L3MBTL3: variants seen among roughly 807,000 people sequenced by gnomAD.
The protein encoded by L3MBTL3 is L3MBTL histone methyl-lysine binding protein 3, also known as lethal(3)malignant brain tumor-like protein 3.
Under a neutral mutation model 102.3 loss-of-function variants are expected in L3MBTL3, and 27 were observed. The ratio of observed to expected loss-of-function variants is 0.26; its 90% confidence interval spans 0.19 to 0.36. The LOEUF is 0.36. L3MBTL3 is among the 10% of genes least tolerant of loss of function. The probability of loss-of-function intolerance (pLI) is 1.00; values close to 1 mark genes in which losing one functional copy is unlikely to be tolerated. For synonymous variants in L3MBTL3, 340 were observed against 320.9 expected (o/e 1.06, Z -0.64); for missense variants, 798 against 955.3 (o/e 0.84, Z 2.17).
rs535710229 is a variant in L3MBTL3 at position 130,133,950 on chromosome 6, AGCACTGAAAT to A, written c.2199+49_2199+58del. 1.6e-4 allele frequency: 231 copies of A among 1,449,024 alleles called. 2 individuals are homozygous for A. The South Asian group carries it at 2.4e-3, about 15-fold the overall frequency. The allele number at this position is 1,449,024 out of a possible 1,614,324, so 89.8% of individuals were successfully genotyped here. On this transcript the variant is annotated intron_variant, in intron 22 of 22. Transcript: ENST00000361794. This position sits in a 1 kb window ranked among gnomAD's most constrained non-coding sequence, Gnocchi z 4.9. ...GCAATATGTTACTTAATGGGATCAA[AGCACTGAAAT>A]GCAGTGGAAGGTGAAATGTGTGGAA...
chr6:130,046,237 C>A (rs199529934), intron 3 of L3MBTL3, among the ~76,000 whole-genome samples: 3 of 152,144 alleles, frequency 2.0e-5, no homozygotes, highest in Non-Finnish European at 4.4e-5. Context: ...TAGCCAAGAG[C>A]AAGACCCTGC....
chr6:130,088,776 T>C (rs1357986655), intron 16 of L3MBTL3, among the ~76,000 whole-genome samples: 9 of 152,224 alleles, frequency 5.9e-5, no homozygotes, highest in African/African-American at 2.2e-4. Context: ...TTCTACTCTT[T>C]CTCAGTTCAT....
intron 19 of L3MBTL3, among the ~76,000 whole-genome samples, chr6:130,108,380 G>A (rs1033764194): frequency 2.6e-5 from 4 of 151,626 alleles, no homozygotes; most frequent in African/African-American, 4.8e-5. Context: ...GATTACAGGC[G>A]TGTGCCACCA....
chr6:130,093,942 GTTGT>G (rs1199376719), intron 17 of L3MBTL3, among the ~76,000 whole-genome samples: 1 of 152,188 alleles, frequency 6.6e-6, no homozygotes. Context: ...CTTAATAAAA[GTTGT>G]TTGACTCTTC....
At chr6:130,120,424 A>T (rs1786068764) in intron 19 of L3MBTL3, among the ~76,000 whole-genome samples, 1 of 152,184 alleles carries the variant, frequency 6.6e-6, no homozygotes, top group African/African-American at 2.4e-5. Context: ...AAAGCTTCCT[A>T]GAATTGGGAT....
At chr6:130,050,386 T>C (rs1162976918) in intron 5 of L3MBTL3, among the ~76,000 whole-genome samples, 2 of 152,252 alleles carry the variant, frequency 1.3e-5, no homozygotes, top group African/African-American at 2.4e-5. Flanking sequence ...TGTGGTTTCA[T>C]GCTTTCTTGC....
In L3MBTL3 at chr6:130,117,196, C is replaced by T. The variant is rs538003892; in HGVS notation, c.1887-3683C>T. On this transcript the variant is annotated intron_variant, in intron 19 of 22. Transcript: ENST00000361794. Reference sequence around the variant, plus strand: ...GTCCATGTGATCTCATTGTTCAATTCCCACCTATGAGTGAGAATATGCCGT... The same window carrying T: ...GTCCATGTGATCTCATTGTTCAATTTCCACCTATGAGTGAGAATATGCCGT... 3.0e-3 allele frequency among the ~76,000 whole-genome samples: 395 copies of T among 132,430 alleles called. 1 individual carries two copies. Among genetic ancestry groups the T allele is most frequent in the Non-Finnish European group, 4.9e-3 (315 of 64,076 alleles). The allele number at this position is 132,430 out of a possible 152,430, so 86.9% of individuals were successfully genotyped here.
At chr6:130,030,110 C>T (rs865948519) in intron 2 of L3MBTL3, among the ~76,000 whole-genome samples, 1 of 152,086 alleles carries the variant, frequency 6.6e-6, no homozygotes, top group African/African-American at 2.4e-5. Flanking sequence ...TCACCTGCCT[C>T]GGTCTCCCAA....
chr6:130,070,092 GTTTT>G (rs1260312866), intron 12 of L3MBTL3, among the ~76,000 whole-genome samples: 5 of 152,004 alleles, frequency 3.3e-5, no homozygotes, highest in African/African-American at 9.7e-5. Context: ...TCTAACAGAG[GTTTT>G]TGTTTGTTTT....
chr6:130,081,507 C>T (rs529358414), intron 14 of L3MBTL3, among the ~76,000 whole-genome samples: 23 of 151,786 alleles, frequency 1.5e-4, no homozygotes, highest in Non-Finnish European at 3.1e-4. Context: ...TAAATTCCGC[C>T]TCCTGAGTTC....
At position 130,133,694 on chromosome 6, in the gene L3MBTL3, G is replaced by A. The variant is rs6910854; in HGVS notation, c.2136+73G>A. 5,360 of 1,556,746 alleles carry A rather than the reference G, an allele frequency of 3.4e-3. 171 individuals carry two copies. The African/African-American group carries it at 0.063, about 18-fold the overall frequency. On this transcript the variant is annotated intron_variant, in intron 21 of 22. Transcript: ENST00000361794. The surrounding 1 kb of genome is among the most constrained non-coding windows in gnomAD (Gnocchi z 4.9). ...GCTTAAGAGGTGTGGAACATTGAGCGTAGGTAGCGTTTAGTCTTTTTTTTT... is the reference window on the plus strand; with the variant it reads ...GCTTAAGAGGTGTGGAACATTGAGCATAGGTAGCGTTTAGTCTTTTTTTTT...
intron 15 of L3MBTL3, among the ~76,000 whole-genome samples, chr6:130,084,833 C>CT (rs1300388247): frequency 2.0e-5 from 3 of 152,134 alleles, no homozygotes; most frequent in Admixed American, 6.5e-5. Context: ...CATGGCAACC[C>CT]TTTTTTTGTT....
At chr6:130,095,452 C>T (rs181274223) in intron 18 of L3MBTL3, among the ~76,000 whole-genome samples, 4 of 152,156 alleles carry the variant, frequency 2.6e-5, no homozygotes, top group South Asian at 2.1e-4. Context: ...ATGATGATTC[C>T]GTTTGCAAAT....
chr6:130,074,553 G>A (rs1584378534), intron 13 of L3MBTL3, among the ~76,000 whole-genome samples: 1 of 152,198 alleles, frequency 6.6e-6, no homozygotes, highest in South Asian at 2.1e-4. Flanking sequence ...CTGTCCTCCC[G>A]CCACTGCAGC....
At chr6:130,025,667 GA>G (rs1779295993) in intron 2 of L3MBTL3, among the ~76,000 whole-genome samples, 1 of 152,100 alleles carries the variant, frequency 6.6e-6, no homozygotes, top group African/African-American at 2.4e-5. Flanking sequence ...AGTAGACTTG[GA>G]ATTGATTAGT....
At chr6:130,069,030 A>G (rs1407758753) in intron 12 of L3MBTL3, among the ~76,000 whole-genome samples, 1 of 152,222 alleles carries the variant, frequency 6.6e-6, no homozygotes, top group Non-Finnish European at 1.5e-5. Context: ...CCATCTTTAC[A>G]GATGGTCAGA....
At chr6:130,082,531 TA>T (rs1783430610) in intron 14 of L3MBTL3, among the ~76,000 whole-genome samples, 3 of 152,222 alleles carry the variant, frequency 2.0e-5, no homozygotes, top group Admixed American at 1.3e-4. Flanking sequence ...AGTAACCAGT[TA>T]TAGCCCCTTT....
chr6:130,081,024 C>T (rs1180140234), intron 14 of L3MBTL3, among the ~76,000 whole-genome samples: 1 of 152,234 alleles, frequency 6.6e-6, no homozygotes, highest in Non-Finnish European at 1.5e-5. Flanking sequence ...CCTTGTACTT[C>T]ACAGATTTCT....
At chr6:130,106,139 G>A (rs1395435853) in intron 19 of L3MBTL3, among the ~76,000 whole-genome samples, 2 of 151,992 alleles carry the variant, frequency 1.3e-5, no homozygotes, top group Non-Finnish European at 2.9e-5. Context: ...TTTTGCCTAT[G>A]CCTATTAATA....
Sources: gnomAD v4.1 joint callset for allele counts (sites outside exome capture counted in the v4.1 genomes callset) on GRCh38, gnomAD v4.1.1 for gene constraint, Gnocchi (gnomAD v3.1) non-coding constraint, MANE v1.5 for transcripts, NCBI Gene and HGNC (gene_info 2026-07-23, HGNC 2026-07-21) for gene names.